LUZP2: variants seen among roughly 807,000 people sequenced by gnomAD.
The protein encoded by LUZP2 is leucine zipper protein 2.
In LUZP2, 52 loss-of-function variants were observed where a neutral mutation model predicts 51.6. That is an observed-to-expected ratio of 1.01 (90% CI 0.81 to 1.27). The LOEUF is 1.27. LUZP2 is among the 50% of genes most tolerant of loss of function. The pLI, the probability that LUZP2 is intolerant of heterozygous loss-of-function variation, is 0.00. For missense variants in LUZP2, 436 were observed against 395.4 expected (o/e 1.10, Z -0.87); for synonymous variants, 154 against 137.3 (o/e 1.12, Z -0.85).
In LUZP2 at chr11:24,561,524, T is replaced by C. The variant is rs934600321; in HGVS notation, c.62+64219T>C. Among the ~76,000 whole-genome samples, 7 of 152,192 alleles carry C rather than the reference T, an allele frequency of 4.6e-5. No homozygotes were observed. The East Asian group carries it at 1.4e-3, about 29-fold the overall frequency. ...TTCATGTCCTTTGCAGGAACATGGATAAAGCTGGAAACCATCATTCTCAGC... is the reference window on the plus strand; with the variant it reads ...TTCATGTCCTTTGCAGGAACATGGACAAAGCTGGAAACCATCATTCTCAGC... On this transcript the variant is annotated intron_variant, in intron 1 of 11. Transcript: ENST00000336930.
chr11:24,638,587 G>A (rs1546474), intron 1 of LUZP2, among the ~76,000 whole-genome samples: 59,201 of 151,236 alleles, frequency 0.39, 12,346 homozygotes, highest in African/African-American at 0.52. Flanking sequence ...GATAATTTAT[G>A]GCCTTAAAAG....
At position 25,049,960 on chromosome 11, in the gene LUZP2, A is replaced by G. The variant is rs937514204; in HGVS notation, c.766-78A>G. Reference sequence around the variant, plus strand: ...TTATATCATGTGTTACAATAAAACGATTTGGATCTATTTGTTCAAACTATT... The same window carrying G: ...TTATATCATGTGTTACAATAAAACGGTTTGGATCTATTTGTTCAAACTATT... On this transcript the variant is annotated intron_variant, in intron 9 of 11. Coordinates refer to ENST00000336930, the MANE Select transcript of LUZP2 (RefSeq NM_001009909.4). 6 of 716,566 alleles carry G rather than the reference A, an allele frequency of 8.4e-6. No individual in the cohort carries two copies. In the African/African-American group the frequency reaches 1.1e-4, roughly 13 times the overall value. The allele number at this position is 716,566 out of a possible 1,614,324, so 44.4% of individuals were successfully genotyped here.
chr11:24,715,263 ATGTG>A (rs58368050), intron 1 of LUZP2, among the ~76,000 whole-genome samples: 16,227 of 133,540 alleles, frequency 0.12, 1,082 homozygotes, highest in South Asian at 0.25. Context: ...AGGAGCAACT[ATGTG>A]TGTGTGTGTG....
chr11:24,740,423 G>A (rs1354542800), intron 4 of LUZP2, among the ~76,000 whole-genome samples: 3 of 152,098 alleles, frequency 2.0e-5, no homozygotes, highest in Non-Finnish European at 2.9e-5. Context: ...CTTCCTTATG[G>A]CTGAACACTG....
intron 1 of LUZP2, among the ~76,000 whole-genome samples, chr11:24,535,272 G>A (rs1851143732): frequency 6.6e-6 from 1 of 151,498 alleles, no homozygotes; most frequent in Non-Finnish European, 1.5e-5. Flanking sequence ...TGGGGTAGCT[G>A]TGGCAATTTC....
chr11:25,027,101 A>G (rs1401005490), intron 9 of LUZP2, among the ~76,000 whole-genome samples: 1 of 152,054 alleles, frequency 6.6e-6, no homozygotes, highest in Non-Finnish European at 1.5e-5. Context: ...TTTTAACAAT[A>G]CCATTGTATA....
intron 6 of LUZP2, among the ~76,000 whole-genome samples, chr11:24,912,536 TG>T (rs1853667762): frequency 6.6e-6 from 1 of 152,094 alleles, no homozygotes; most frequent in African/African-American, 2.4e-5. Context: ...GGGCTGGGCA[TG>T]GTGGCTCACA....
chr11:24,851,108 T>C (rs1436394315), intron 5 of LUZP2, among the ~76,000 whole-genome samples: 1 of 152,212 alleles, frequency 6.6e-6, no homozygotes, highest in Non-Finnish European at 1.5e-5. Context: ...CTTTGTTTCT[T>C]TCTCTTGCCT....
At chr11:24,894,012 A>C (rs1182276340) in intron 5 of LUZP2, among the ~76,000 whole-genome samples, 1 of 152,080 alleles carries the variant, frequency 6.6e-6, no homozygotes, top group African/African-American at 2.4e-5. Context: ...GCCCACTCTA[A>C]CTCAGAAGGT....
At chr11:24,835,030 C>T (rs1215029296) in intron 5 of LUZP2, among the ~76,000 whole-genome samples, 1 of 151,984 alleles carries the variant, frequency 6.6e-6, no homozygotes, top group Non-Finnish European at 1.5e-5. Flanking sequence ...AAAGTTTTCT[C>T]CCATTCTGTA....
chr11:24,837,274 C>A (rs1442951634), intron 5 of LUZP2, among the ~76,000 whole-genome samples: 1 of 151,590 alleles, frequency 6.6e-6, no homozygotes, highest in Non-Finnish European at 1.5e-5. Context: ...AGATTGATAT[C>A]TAAGAACACA....
rs118089121 is a variant in LUZP2 at position 25,047,945 on chromosome 11, A to G, written c.766-2093A>G. Among the ~76,000 whole-genome samples the G allele has an allele frequency of 5.8e-3, 870 of 149,304 alleles. 30 individuals carry two copies. Among genetic ancestry groups the G allele is most frequent in the East Asian group, 0.054 (267 of 4,970 alleles). On this transcript the variant is annotated intron_variant, in intron 9 of 11. Coordinates refer to ENST00000336930, the MANE Select transcript of LUZP2 (RefSeq NM_001009909.4). The stretch of plus-strand genomic sequence containing the variant: ...GCCATCTTCCAGCCTCAGCCTCCTC[A>G]TTAGCTAGGATTATAGGTGTAAACT...
At chr11:24,551,743 G>A (rs1851730547) in intron 1 of LUZP2, among the ~76,000 whole-genome samples, 1 of 151,892 alleles carries the variant, frequency 6.6e-6, no homozygotes, top group Admixed American at 6.6e-5. Flanking sequence ...AGGTATGGAA[G>A]AATAAAGTAG....
In LUZP2 at chr11:24,696,049, A is replaced by C. The variant is rs374707196; in HGVS notation, c.63-33120A>C. Among the ~76,000 whole-genome samples the C allele has an allele frequency of 1.2e-4, 18 of 152,180 alleles. No individual in the cohort carries two copies. The East Asian group carries it at 2.7e-3, about 23-fold the overall frequency. On this transcript the variant is annotated intron_variant, in intron 1 of 11. Coordinates refer to ENST00000336930, the MANE Select transcript of LUZP2 (RefSeq NM_001009909.4). ...AAACTTCTAGAACTGTGAAGAGCTT[A>C]TATTTGGGAAGGACAGTAATAGACC...
At chr11:24,946,807 A>C (rs1854913460) in intron 7 of LUZP2, among the ~76,000 whole-genome samples, 2 of 151,856 alleles carry the variant, frequency 1.3e-5, no homozygotes, top group Admixed American at 1.3e-4. Flanking sequence ...AATTATTGTC[A>C]TTTTGTTACT....
chr11:24,980,912 C>A (rs1196689272), intron 8 of LUZP2, among the ~76,000 whole-genome samples: 3 of 151,714 alleles, frequency 2.0e-5, no homozygotes, highest in Non-Finnish European at 4.4e-5. Flanking sequence ...ATAAACAGGG[C>A]ATTTTCATTA....
chr11:24,562,034 C>T (rs989845607), intron 1 of LUZP2, among the ~76,000 whole-genome samples: 1 of 151,810 alleles, frequency 6.6e-6, no homozygotes. Context: ...GTAAGTGGGA[C>T]AACGCTCAAA....
At chr11:24,510,136 C>T (rs1850265375) in intron 1 of LUZP2, among the ~76,000 whole-genome samples, 1 of 152,188 alleles carries the variant, frequency 6.6e-6, no homozygotes, top group Admixed American at 6.5e-5. Flanking sequence ...CCATTCACAA[C>T]ACCAAAGTTG....
chr11:24,629,518 A>G (rs953950349), intron 1 of LUZP2, among the ~76,000 whole-genome samples: 2 of 145,324 alleles, frequency 1.4e-5, no homozygotes, highest in Admixed American at 7.1e-5. Flanking sequence ...TATATTATAT[A>G]TATTCCATTG....
Sources: gnomAD v4.1 joint callset for allele counts (sites outside exome capture counted in the v4.1 genomes callset) on GRCh38, gnomAD v4.1.1 for gene constraint, MANE v1.5 for transcripts, NCBI Gene and HGNC (gene_info 2026-07-23, HGNC 2026-07-21) for gene names.